Variants in AKAP8L observed in about 807,000 individuals in gnomAD.
AKAP8L encodes A-kinase anchor protein 8-like.
AKAP8L carries 34 observed loss-of-function variants against 77.5 expected under a neutral mutation model. The ratio of observed to expected loss-of-function variants is 0.44; its 90% CI spans 0.33 to 0.58. The LOEUF (loss-of-function observed/expected upper bound fraction) is 0.58, where lower values mean the gene tolerates loss of function less well. AKAP8L is among the 20% of genes least tolerant of loss of function. The pLI, the probability that AKAP8L is intolerant of heterozygous loss-of-function variation, is 0.02. For synonymous variants in AKAP8L, 342 were observed against 340.7 expected, an observed-to-expected ratio of 1.00 and a Z score of -0.04; for missense variants, 806 against 887.6, an observed-to-expected ratio of 0.91 and a Z score of 1.17.
In AKAP8L at chr19:15,406,006, T is replaced by C. The variant is rs148397023; in HGVS notation, c.89-1964A>G. 3.7e-3 allele frequency among the ~76,000 whole-genome samples: 557 copies of C among 152,070 alleles called. 5 individuals carry two copies. Among genetic ancestry groups the C allele is most frequent in the African/African-American group, 0.013 (533 of 41,480 alleles). On this transcript the variant is annotated intron_variant, in intron 2 of 13. Coordinates refer to ENST00000397410, the MANE Select transcript of AKAP8L (RefSeq NM_014371.4). ...CAGGGCTCTGCTTGGGAGGCTACAA[T>C]GTGGTCACTGCAAGCTTCACCTGCT...
Position 15,403,920 on chromosome 19 carries a change from TCC to T in AKAP8L, c.121+88_121+89del. On this transcript the variant is annotated intron_variant, in intron 3 of 13. Coordinates refer to ENST00000397410, the MANE Select transcript of AKAP8L (RefSeq NM_014371.4). The surrounding 1 kb of genome is among the most constrained non-coding windows in gnomAD (Gnocchi z 4.3). ...CCCCAGAAACATGCCCCCTCCCCACTCCCAACCTTGGCCAAGCAGGGCAGTGG... is the reference window on the plus strand; with the variant it reads ...CCCCAGAAACATGCCCCCTCCCCACTCAACCTTGGCCAAGCAGGGCAGTGG... 2.0e-6 allele frequency: 3 copies of T among 1,516,658 alleles called. No individual in the cohort carries two copies. The highest frequency in any genetic ancestry group is 1.8e-6 in the Non-Finnish European group (2 of 1,099,128). The allele number at this position is 1,516,658 out of a possible 1,614,324, so 94.0% of individuals were successfully genotyped here. A position where few individuals can be genotyped will look rare whatever the true frequency, so the allele number is the denominator to read the frequency against.
At chr19:15,380,867 T>A (rs1017979560) in intron 12 of AKAP8L, 8 of 505,752 alleles carry the variant, frequency 1.6e-5, no homozygotes, top group Admixed American at 6.7e-5. Context: ...TACGGCTGTA[T>A]TACAGAAATC....
Position 15,410,597 on chromosome 19 carries a change from A to G in AKAP8L, c.14-3T>C, listed in dbSNP as rs1402571513. 6.3e-7 allele frequency: 1 copy of G among 1,586,534 alleles called. No individual in the cohort carries two copies. Among genetic ancestry groups the G allele is most frequent in the Non-Finnish European group, 8.6e-7 (1 of 1,165,906 alleles). On this transcript the variant is annotated splice_polypyrimidine_tract_variant and splice_region_variant and intron_variant, in intron 1 of 13. Coordinates refer to ENST00000397410, the MANE Select transcript of AKAP8L (RefSeq NM_014371.4). ...GGTTTCAGATCCCTGGACAAAGCCTAAACATAAAGACAGTGGGGTTAATTT... is the reference window on the plus strand; with the variant it reads ...GGTTTCAGATCCCTGGACAAAGCCTGAACATAAAGACAGTGGGGTTAATTT...
intron 12 of AKAP8L, 129 bp from the exon 13 acceptor site, chr19:15,380,741 G>T (rs2145097242): frequency 1.4e-6 from 1 of 734,430 alleles, no homozygotes. Flanking sequence ...CACCAACGGA[G>T]GGCCACTCCA....
chr19:15,398,889 C>T lies in AKAP8L; in HGVS notation c.1157+413G>A. 1 of 847,296 alleles carries T rather than the reference C, an allele frequency of 1.2e-6. No homozygotes were observed. The highest frequency in any genetic ancestry group is 1.5e-6 in the Non-Finnish European group (1 of 683,284). The allele number at this position is 847,296 out of a possible 1,614,324, so 52.5% of individuals were successfully genotyped here. ...GGCTGCCACAGCCCACAGGTGCTGC[C>T]ATCTCTCCTGGGCACGGCGGTGGCC... On this transcript the variant is annotated intron_variant, in intron 9 of 13. Transcript: ENST00000397410. The surrounding 1 kb of genome is among the most constrained non-coding windows in gnomAD (Gnocchi z 9.2).
In AKAP8L at chr19:15,401,532, T is replaced by A; in HGVS notation, c.434A>T (p.Asp145Val). 2 of 1,613,670 alleles carry A rather than the reference T, an allele frequency of 1.2e-6. No individual in the cohort carries two copies. The highest frequency in any genetic ancestry group is 1.7e-6 in the Non-Finnish European group (2 of 1,179,818). Reference sequence around the variant, plus strand: ...CATCTCAGGGTCAAGCTCGCTGTAGTCATAGCCTGACCGGTACAGGTCGCG... The same window carrying A: ...CATCTCAGGGTCAAGCTCGCTGTAGACATAGCCTGACCGGTACAGGTCGCG... ...SERDLYRSGY[D>V]YSELDPEMEM... The change falls in exon 5 of 14, where the codon GAC becomes GTC. Residue 145 changes from aspartate to valine, a missense_variant. By Grantham distance (152) the Asp-to-Val change is radical. Transcript: ENST00000397410. The surrounding 1 kb of genome is among the most constrained non-coding windows in gnomAD (Gnocchi z 6.2).
intron 12 of AKAP8L, among the ~76,000 whole-genome samples, chr19:15,391,109 G>A (rs1967649999): frequency 6.6e-6 from 1 of 152,138 alleles, no homozygotes; most frequent in Admixed American, 6.6e-5. Flanking sequence ...GAAAGGAGAA[G>A]TAAAACTAAC....
chr19:15,401,431 T>G lies in AKAP8L; in HGVS notation c.535A>C (p.Arg179=). The change falls in exon 5 of 14, where the codon AGG becomes CGG. Residue 179 remains arginine (R), a synonymous_variant. Coordinates refer to ENST00000397410, the MANE Select transcript of AKAP8L (RefSeq NM_014371.4). The surrounding 1 kb of genome is among the most constrained non-coding windows in gnomAD (Gnocchi z 6.2). ...GCATCCCGGGCCCAGCCCTGTGCCC[T>G]GGGACCGAAGGTGTCGTTGCCACGC... is the stretch of plus-strand genomic sequence containing the variant. ...RMRGNDTFGP[R]AQGWARDARS... The G allele has an allele frequency of 6.2e-7, 1 of 1,613,572 alleles. No individual in the cohort carries two copies. The highest frequency in any genetic ancestry group is 8.5e-7 in the Non-Finnish European group (1 of 1,179,888).
rs892923731 is a variant in AKAP8L at position 15,403,846 on chromosome 19, G to T, written c.122-131C>A. On this transcript the variant is annotated intron_variant, in intron 3 of 13. Coordinates refer to ENST00000397410, the MANE Select transcript of AKAP8L (RefSeq NM_014371.4). The surrounding 1 kb of genome is among the most constrained non-coding windows in gnomAD (Gnocchi z 4.3). Reference sequence around the variant, plus strand: ...GAGAAGACCCTAGCCACTGAAGCTAGATGGGCCCTGGTCATTCTGATGAGG... The same window carrying T: ...GAGAAGACCCTAGCCACTGAAGCTATATGGGCCCTGGTCATTCTGATGAGG... The T allele has an allele frequency of 9.3e-7, 1 of 1,073,230 alleles. No homozygotes were observed. Among genetic ancestry groups the T allele is most frequent in the Non-Finnish European group, 1.4e-6 (1 of 724,814 alleles). 66.5% of individuals were successfully genotyped at this position (1,073,230 alleles called of 1,614,324 possible).
chr19:15,412,991 C>T (rs1462766156), intron 1 of AKAP8L, among the ~76,000 whole-genome samples: 1 of 152,254 alleles, frequency 6.6e-6, no homozygotes, highest in Non-Finnish European at 1.5e-5. Flanking sequence ...CAAAAACCTA[C>T]AGAAGTGCCT....
chr19:15,382,021 C>T (rs1967427956), intron 12 of AKAP8L: 1 of 152,238 alleles, frequency 6.6e-6, no homozygotes, highest in African/African-American at 2.4e-5. Context: ...CCCATCAGCA[C>T]TGGATGTTGT....
chr19:15,390,765 T>C (rs1463048569), intron 12 of AKAP8L, among the ~76,000 whole-genome samples: 1 of 152,178 alleles, frequency 6.6e-6, no homozygotes, highest in African/African-American at 2.4e-5. Flanking sequence ...GGGTGTTTTA[T>C]ATCCAAATAA....
intron 12 of AKAP8L, among the ~76,000 whole-genome samples, chr19:15,393,458 A>G (rs541250430): frequency 8.5e-5 from 13 of 152,344 alleles, no homozygotes; most frequent in African/African-American, 3.1e-4. Context: ...GAACTCTACA[A>G]AAGACAACAC....
In AKAP8L at chr19:15,399,371, C is replaced by A. The variant is rs570266491; in HGVS notation, c.1088G>T (p.Arg363Leu). Residue 363 changes from arginine (R) to leucine (L), a missense_variant, in exon 9 of 14, where the codon CGC becomes CTC. Physicochemically the swap from Arg to Leu is moderately radical, Grantham distance 102. This residue lies in a region of AKAP8L where 580 missense variants were observed against 694.1 expected (regional missense o/e 0.84). Coordinates refer to ENST00000397410, the MANE Select transcript of AKAP8L (RefSeq NM_014371.4). This position sits in a 1 kb window ranked among gnomAD's most constrained non-coding sequence, Gnocchi z 6.1. ...ACTCTTCTTGCCTGCCTGCAACTTG[C>A]GCTTGGTCTGGCCATTTTCATCCTG... Reference protein sequence around the residue: ...TTQDENGQTKRKLQAGKKSQD... With the variant: ...TTQDENGQTKLKLQAGKKSQD... The A allele has an allele frequency of 1.5e-5, 24 of 1,613,876 alleles. No homozygotes were observed. The highest frequency in any genetic ancestry group is 1.9e-5 in the Non-Finnish European group (22 of 1,179,840).
intron 1 of AKAP8L, among the ~76,000 whole-genome samples, chr19:15,415,751 T>C (rs1015730309): frequency 2.6e-5 from 4 of 151,934 alleles, no homozygotes; most frequent in Non-Finnish European, 5.9e-5. Context: ...CCGGGTGTGG[T>C]GGCGGGCACC....
In AKAP8L at chr19:15,380,086, T is replaced by C. The variant is rs766144118; in HGVS notation, c.*36A>G. 4.1e-5 allele frequency: 60 copies of C among 1,449,374 alleles called. No individual in the cohort carries two copies. Among genetic ancestry groups the C allele is most frequent in the Middle Eastern group, 5.0e-4 (2 of 4,038 alleles). The allele number at this position is 1,449,374 out of a possible 1,614,324, so 89.8% of individuals were successfully genotyped here. A position where few individuals can be genotyped will look rare whatever the true frequency, so the allele number is the denominator to read the frequency against. On this transcript the variant is annotated 3_prime_UTR_variant, in exon 14 of 14. Transcript: ENST00000397410. ...AACTTTATTAGGTTTGGTTTCCAGCTTCGGCCACGCGGGCTCCGCCCGCCC... is the reference window on the plus strand; with the variant it reads ...AACTTTATTAGGTTTGGTTTCCAGCCTCGGCCACGCGGGCTCCGCCCGCCC...
rs542308123 is a variant in AKAP8L, at chr19:15,400,184, G to C, written c.1048+111C>G. The C allele has an allele frequency of 2.3e-4, 259 of 1,116,776 alleles. No individual in the cohort carries two copies. In the East Asian group the frequency reaches 5.9e-3, roughly 25 times the overall value. The allele number at this position is 1,116,776 out of a possible 1,614,324, so 69.2% of individuals were successfully genotyped here. A position where few individuals can be genotyped will look rare whatever the true frequency, so the allele number is the denominator to read the frequency against. ...CCAGCACACACTCGGGCCCACAAGG[G>C]AGGTCCCCAACTGGCCGCATGTCTG... On this transcript the variant is annotated intron_variant, in intron 8 of 13. Transcript: ENST00000397410.
At chr19:15,383,089 TG>T (rs1321996677) in intron 12 of AKAP8L, 2 of 152,252 alleles carry the variant, frequency 1.3e-5, no homozygotes, top group Non-Finnish European at 2.9e-5. Flanking sequence ...TGGCTAAATG[TG>T]AACTGACATT....
chr19:15,412,838 G>A (rs559727502), intron 1 of AKAP8L, among the ~76,000 whole-genome samples: 3 of 152,168 alleles, frequency 2.0e-5, no homozygotes, highest in Admixed American at 6.5e-5. Context: ...CACTGCGCCC[G>A]GCCAGAAATA....
Sources: gnomAD v4.1 joint callset for allele counts (sites outside exome capture counted in the v4.1 genomes callset) on GRCh38, gnomAD v4.1.1 for gene constraint, gnomAD v4.1.1 regional missense constraint, Gnocchi (gnomAD v3.1) non-coding constraint, MANE v1.5 for transcripts, NCBI Gene and HGNC (gene_info 2026-07-23, HGNC 2026-07-21) for gene names.